The following ZNF722 variants were observed in gnomAD, a reference collection of about 807,000 sequenced individuals.
ZNF722 encodes the protein zinc finger protein 479 pseudogene.
chr7:64,015,457 A>G, the ZNF722 span: 2 of 1,609,952 alleles, frequency 1.2e-6, no homozygotes, highest in Non-Finnish European at 1.7e-6. Flanking sequence ...TGTACTACAC[A>G]TAAAAGAATT....
the ZNF722 span, among the ~76,000 whole-genome samples, chr7:64,013,765 G>C: frequency 6.6e-6 from 1 of 151,704 alleles, no homozygotes; most frequent in Non-Finnish European, 1.5e-5. Context: ...TATATTCTTC[G>C]TCATATTATT....
the ZNF722 span, among the ~76,000 whole-genome samples, chr7:63,999,185 A>G: frequency 1.3e-5 from 2 of 152,046 alleles, no homozygotes; most frequent in African/African-American, 4.8e-5. Flanking sequence ...AGCGGCTGGG[A>G]CCCTGGGAGT....
the ZNF722 span, among the ~76,000 whole-genome samples, chr7:64,009,500 T>C: frequency 6.6e-6 from 1 of 152,196 alleles, no homozygotes; most frequent in African/African-American, 2.4e-5. Context: ...ATTGAGATAA[T>C]CATATAGTTT....
the ZNF722 span, chr7:63,999,006 T>A: frequency 6.3e-7 from 1 of 1,576,736 alleles, no homozygotes; most frequent in Non-Finnish European, 8.7e-7. Context: ...AAATGGTGAG[T>A]GCTGGGTCTG....
the ZNF722 span, among the ~76,000 whole-genome samples, chr7:64,009,884 G>C: frequency 1.3e-5 from 2 of 151,940 alleles, no homozygotes; most frequent in Non-Finnish European, 2.9e-5. Flanking sequence ...GACTTTTTTT[G>C]GTTGGTAGGC....
At chr7:64,009,211 C>A in the ZNF722 span, among the ~76,000 whole-genome samples, 2 of 152,292 alleles carry the variant, frequency 1.3e-5, no homozygotes, top group East Asian at 3.9e-4. Flanking sequence ...TTGACTTCTT[C>A]TTTTCCTAAT....
At chr7:64,015,448 G>A in the ZNF722 span, 1 of 1,605,298 alleles carries the variant, frequency 6.2e-7, no homozygotes, top group Non-Finnish European at 8.5e-7. Context: ...TCCTCAAACT[G>A]TACTACACAT....
chr7:64,015,810 G>A, the ZNF722 span: 1 of 1,609,776 alleles, frequency 6.2e-7, no homozygotes, highest in Non-Finnish European at 8.5e-7. Flanking sequence ...AATTCATACT[G>A]GAGAGAAACC....
At chr7:64,005,640 T>C in the ZNF722 span, 2 of 1,294,284 alleles carry the variant, frequency 1.5e-6, no homozygotes, top group Middle Eastern at 1.8e-4. Flanking sequence ...GACATAGCTA[T>C]AGAATTCTCT....
the ZNF722 span, among the ~76,000 whole-genome samples, chr7:64,000,404 C>T: frequency 1.7e-5 from 2 of 118,082 alleles, no homozygotes; most frequent in Non-Finnish European, 3.3e-5. Flanking sequence ...GCTGGGATTA[C>T]AGGATTACAG....
chr7:64,003,050 C>G, the ZNF722 span, among the ~76,000 whole-genome samples: 1 of 152,156 alleles, frequency 6.6e-6, no homozygotes, highest in African/African-American at 2.4e-5. Context: ...TTGCGAAAAG[C>G]AGGGCCAAGA....
chr7:63,998,876 C>T, the ZNF722 span: 1 of 1,445,968 alleles, frequency 6.9e-7, no homozygotes. Flanking sequence ...GTCCCGAGCT[C>T]CAGTTCTTTT....
chr7:64,015,590 C>G, the ZNF722 span: 1 of 1,613,746 alleles, frequency 6.2e-7, no homozygotes, highest in Admixed American at 1.7e-5. Flanking sequence ...AAGAATGTGG[C>G]CAAGCTTTTA....
At chr7:64,002,516 T>A in the ZNF722 span, among the ~76,000 whole-genome samples, 1 of 152,218 alleles carries the variant, frequency 6.6e-6, no homozygotes, top group Non-Finnish European at 1.5e-5. Flanking sequence ...TATCATTTCA[T>A]ATGTTTTTTG....
chr7:64,006,316 C>T, the ZNF722 span: 2 of 1,295,758 alleles, frequency 1.5e-6, no homozygotes, highest in African/African-American at 3.1e-5. Context: ...AGCCAAACAC[C>T]CAGGTAGGTG....
At chr7:64,016,880 T>C in the ZNF722 span, among the ~76,000 whole-genome samples, 1 of 152,176 alleles carries the variant, frequency 6.6e-6, no homozygotes, top group African/African-American at 2.4e-5. Flanking sequence ...GGCCTTTAAA[T>C]GGTAGTCACA....
the ZNF722 span, among the ~76,000 whole-genome samples, chr7:64,005,088 C>T: frequency 6.6e-6 from 1 of 152,120 alleles, no homozygotes; most frequent in Non-Finnish European, 1.5e-5. Context: ...CACCTGAGGT[C>T]AGGAATTCAA....
chr7:64,013,705 T>A, the ZNF722 span, among the ~76,000 whole-genome samples: 1 of 152,220 alleles, frequency 6.6e-6, no homozygotes, highest in East Asian at 1.9e-4. Context: ...GGAATTTTAT[T>A]TTTTTATATA....
chr7:64,015,325 G>T, the ZNF722 span: 1 of 1,351,984 alleles, frequency 7.4e-7, no homozygotes, highest in East Asian at 2.4e-5. Flanking sequence ...CATTTCAAAT[G>T]TAAAAAATAT....
Sources: allele counts gnomAD v4.1 joint callset (sites outside exome capture counted in the v4.1 genomes callset), GRCh38; gene constraint gnomAD v4.1.1; transcripts MANE v1.5; gene names NCBI Gene and HGNC (gene_info 2026-07-23, HGNC 2026-07-21).